The following PRKG1 variants were observed in gnomAD, a reference collection of about 807,000 sequenced individuals.
PRKG1 encodes protein kinase cGMP-dependent 1, also known as cGMP-dependent protein kinase 1.
Under a neutral mutation model 88.1 loss-of-function variants are expected in PRKG1, and 35 were observed. The ratio of observed to expected loss-of-function variants is 0.40; its 90% CI spans 0.30 to 0.53. The LOEUF is 0.53. Ranked by LOEUF, PRKG1 falls within the 20% of genes least tolerant of loss-of-function variation. The probability of loss-of-function intolerance (pLI) is 0.59; values close to 1 mark genes in which losing one functional copy is unlikely to be tolerated. For missense variants in PRKG1, 540 were observed against 839.8 expected (o/e 0.64, Z 4.41); for synonymous variants, 303 against 292.5 (o/e 1.04, Z -0.37).
chr10:51,484,424 C>T (rs780524660), intron 3 of PRKG1, among the ~76,000 whole-genome samples: 39 of 151,860 alleles, frequency 2.6e-4, no homozygotes, highest in Non-Finnish European at 4.3e-4. Flanking sequence ...ATTTTGGGAC[C>T]GGGTCATAAG....
chr10:51,303,812 T>C (rs10822648), intron 2 of PRKG1, among the ~76,000 whole-genome samples: 57,873 of 149,806 alleles, frequency 0.39, 11,194 homozygotes, highest in Middle Eastern at 0.49. Context: ...TATATATATA[T>C]ACACACACAC....
intron 1 of PRKG1, among the ~76,000 whole-genome samples, chr10:51,102,767 T>A (rs1272949014): frequency 6.6e-6 from 1 of 152,192 alleles, no homozygotes; most frequent in Non-Finnish European, 1.5e-5. Context: ...CTTTTAGTGA[T>A]GCAAACGTAA....
intron 10 of PRKG1, among the ~76,000 whole-genome samples, chr10:52,267,048 A>G (rs1435892928): frequency 2.9e-5 from 4 of 135,748 alleles, no homozygotes; most frequent in Non-Finnish European, 6.0e-5. Context: ...AAAAATCATC[A>G]TCATCATCAT....
At chr10:51,165,545 A>G (rs1347268173) in intron 2 of PRKG1, among the ~76,000 whole-genome samples, 1 of 152,096 alleles carries the variant, frequency 6.6e-6, no homozygotes. Context: ...ACACATAACA[A>G]TATTAACTTT....
chr10:51,491,377 T>C (rs991145170), intron 3 of PRKG1, among the ~76,000 whole-genome samples: 1 of 152,086 alleles, frequency 6.6e-6, no homozygotes, highest in African/African-American at 2.4e-5. Flanking sequence ...GATGGAAAAT[T>C]TGACAGGTGT....
At chr10:52,038,197 C>G (rs1053497803) in intron 5 of PRKG1, among the ~76,000 whole-genome samples, 1 of 151,660 alleles carries the variant, frequency 6.6e-6, no homozygotes, top group African/African-American at 2.4e-5. Flanking sequence ...TTTGAGAACA[C>G]AGGCCAAGGG....
chr10:51,278,118 G>T (rs1589306344), intron 2 of PRKG1, among the ~76,000 whole-genome samples: 1 of 152,132 alleles, frequency 6.6e-6, no homozygotes, highest in Non-Finnish European at 1.5e-5. Flanking sequence ...ATCATTTGGA[G>T]ATACGTCCCA....
intron 1 of PRKG1, among the ~76,000 whole-genome samples, chr10:51,079,591 G>A (rs1239639399): frequency 6.6e-6 from 1 of 152,140 alleles, no homozygotes; most frequent in Non-Finnish European, 1.5e-5. Flanking sequence ...GCAAGTTTAG[G>A]CCAGTGAGAA....
Position 51,651,626 on chromosome 10 carries a change from C to G in PRKG1, c.593-152959C>G, listed in dbSNP as rs563075081. ...TTTAGTCAGAGTTTTGCTCTGTCACCAGGCTGGAGTACAGTGGCGCCATCC... is the reference window on the plus strand; with the variant it reads ...TTTAGTCAGAGTTTTGCTCTGTCACGAGGCTGGAGTACAGTGGCGCCATCC... On this transcript the variant is annotated intron_variant, in intron 3 of 17. Coordinates refer to ENST00000373980, the MANE Select transcript of PRKG1 (RefSeq NM_006258.4). Among the ~76,000 whole-genome samples, 193 of 151,594 alleles carry G rather than the reference C, an allele frequency of 1.3e-3. 1 individual carries two copies. The highest frequency in any genetic ancestry group is 6.8e-3 in the Middle Eastern group (2 of 294).
chr10:51,043,901 C>T (rs555330444), intron 1 of PRKG1, among the ~76,000 whole-genome samples: 1 of 152,298 alleles, frequency 6.6e-6, no homozygotes, highest in East Asian at 1.9e-4. Flanking sequence ...CGTGATGGGA[C>T]TGCTCAGTTA....
Position 51,288,809 on chromosome 10 carries a change from G to A in PRKG1, c.478+135479G>A, listed in dbSNP as rs573391733. 3.9e-5 allele frequency among the ~76,000 whole-genome samples: 6 copies of A among 152,258 alleles called. No individual in the cohort carries two copies. The South Asian group carries it at 6.2e-4, about 16-fold the overall frequency. On this transcript the variant is annotated intron_variant, in intron 2 of 17. Coordinates refer to ENST00000373980, the MANE Select transcript of PRKG1 (RefSeq NM_006258.4). ...GCAAAGAGGTATGTGTAGTTATTCT[G>A]TACATCTTGTATGTGGTTGTGTGGT...
intron 14 of PRKG1, among the ~76,000 whole-genome samples, chr10:52,286,685 T>A (rs1452768978): frequency 6.6e-6 from 1 of 151,970 alleles, no homozygotes; most frequent in African/African-American, 2.4e-5. Context: ...ATATATTTTA[T>A]AGTTAAAACA....
At chr10:52,065,646 A>G (rs531802332) in intron 7 of PRKG1, among the ~76,000 whole-genome samples, 1 of 152,278 alleles carries the variant, frequency 6.6e-6, no homozygotes, top group African/African-American at 2.4e-5. Context: ...AGTTCATTTT[A>G]TCCTTATCTG....
chr10:51,135,953 T>G (rs1845674919), intron 1 of PRKG1, among the ~76,000 whole-genome samples: 1 of 56,848 alleles, frequency 1.8e-5, no homozygotes, highest in Non-Finnish European at 3.2e-5. Context: ...CATCACACTC[T>G]GGGGACTGTT....
intron 3 of PRKG1, among the ~76,000 whole-genome samples, chr10:51,642,507 G>A (rs1010926808): frequency 2.0e-5 from 3 of 152,074 alleles, no homozygotes; most frequent in African/African-American, 7.2e-5. Context: ...CATTTTTTGG[G>A]CAAGGACATA....
chr10:52,219,782 G>A (rs1840198366), intron 9 of PRKG1, among the ~76,000 whole-genome samples: 2 of 152,044 alleles, frequency 1.3e-5, no homozygotes, highest in South Asian at 4.2e-4. Context: ...ACCAAACACT[G>A]GGCATATTTA....
At chr10:51,369,711 TTGAC>T (rs1209051873) in intron 2 of PRKG1, among the ~76,000 whole-genome samples, 3 of 152,084 alleles carry the variant, frequency 2.0e-5, no homozygotes, top group Admixed American at 6.6e-5. Context: ...TCTCCATCCT[TTGAC>T]TGGCCTTACA....
intron 10 of PRKG1, among the ~76,000 whole-genome samples, chr10:52,270,071 A>T (rs986918348): frequency 6.6e-6 from 1 of 152,122 alleles, no homozygotes; most frequent in South Asian, 2.1e-4. Flanking sequence ...ATCTTGTTAC[A>T]ATTTTTTTTC....
At chr10:51,619,716 A>G (rs1462045691) in intron 3 of PRKG1, among the ~76,000 whole-genome samples, 1 of 152,110 alleles carries the variant, frequency 6.6e-6, no homozygotes, top group African/African-American at 2.4e-5. Context: ...CTCTCCAATC[A>G]CGTTTTAAAA....
Sources: allele counts gnomAD v4.1 joint callset (sites outside exome capture counted in the v4.1 genomes callset), GRCh38; gene constraint gnomAD v4.1.1; transcripts MANE v1.5; gene names NCBI Gene and HGNC (gene_info 2026-07-23, HGNC 2026-07-21).